CDK8: variants seen among roughly 807,000 people sequenced by gnomAD.
CDK8 encodes the protein cyclin dependent kinase 8, also known as cyclin-dependent kinase 8.
A neutral mutation model predicts 71.5 loss-of-function variants in CDK8; 29 were observed. The observed-to-expected ratio is 0.41, with a 90% confidence interval of 0.30 to 0.55. CDK8 has a LOEUF of 0.55. Ranked by LOEUF, CDK8 falls within the 20% of genes least tolerant of loss-of-function variation. The pLI, the probability that CDK8 is intolerant of heterozygous loss-of-function variation, is 0.37. For synonymous variants in CDK8, 161 were observed against 192.1 expected, an observed-to-expected ratio of 0.84 and a Z score of 1.34; for missense variants, 288 against 572.6, an observed-to-expected ratio of 0.50 and a Z score of 5.07.
chr13:26,385,355 A>G lies in CDK8; in HGVS notation c.646+13A>G. 6.3e-7 allele frequency: 1 copy of G among 1,578,352 alleles called. No homozygotes were observed. Among genetic ancestry groups the G allele is most frequent in the South Asian group, 1.2e-5 (1 of 84,436 alleles). The stretch of plus-strand genomic sequence containing the variant: ...ACCAAAGCTATTGGTGAGTAGAACT[A>G]ATTAAAATTCCATGAGTTTTTAAAA... On this transcript the variant is annotated intron_variant, in intron 6 of 12. Transcript: ENST00000381527.
chr13:26,381,819 C>T (rs1271120278), intron 4 of CDK8, among the ~76,000 whole-genome samples: 2 of 151,802 alleles, frequency 1.3e-5, no homozygotes, highest in Non-Finnish European at 2.9e-5. Context: ...ACACATTAAA[C>T]GTTGGCAGTA....
chr13:26,289,063 T>G (rs1391411808), intron 1 of CDK8, among the ~76,000 whole-genome samples: 2 of 144,660 alleles, frequency 1.4e-5, no homozygotes, highest in East Asian at 4.0e-4. Context: ...TTTTTTTTTT[T>G]TTTTTTTTTT....
chr13:26,293,006 A>G (rs559665), intron 1 of CDK8, among the ~76,000 whole-genome samples: 2 of 152,130 alleles, frequency 1.3e-5, no homozygotes, highest in African/African-American at 4.8e-5. Flanking sequence ...TCAGTTAGAA[A>G]GTATTTGTCC....
rs976983587 is a variant in CDK8, at chr13:26,404,226, C to T, written c.*145C>T. The T allele has an allele frequency of 3.3e-6, 3 of 920,078 alleles. No homozygotes were observed. In the African/African-American group the frequency reaches 5.0e-5, roughly 15 times the overall value. The allele number at this position is 920,078 out of a possible 1,614,324, so 57.0% of individuals were successfully genotyped here. On this transcript the variant is annotated 3_prime_UTR_variant, in exon 13 of 13. Coordinates refer to ENST00000381527, the MANE Select transcript of CDK8 (RefSeq NM_001260.3). ...CCAGTAGCCAAGTTCCACCACTTTT[C>T]ACAGATTGGGGTAGTGGCTTCCAAG...
chr13:26,310,993 C>T (rs143480220), intron 1 of CDK8, among the ~76,000 whole-genome samples: 5 of 151,012 alleles, frequency 3.3e-5, no homozygotes, highest in East Asian at 3.9e-4. Flanking sequence ...TTTTCCTGTT[C>T]GCTATGCTTC....
intron 4 of CDK8, among the ~76,000 whole-genome samples, chr13:26,377,030 T>C (rs1874987614): frequency 6.6e-6 from 1 of 152,278 alleles, no homozygotes; most frequent in African/African-American, 2.4e-5. Flanking sequence ...ATTACTCTTG[T>C]GAAGTTAGTC....
At chr13:26,310,165 A>G (rs951762838) in intron 1 of CDK8, among the ~76,000 whole-genome samples, 2 of 152,208 alleles carry the variant, frequency 1.3e-5, no homozygotes, top group African/African-American at 4.8e-5. Context: ...AACTGAAACT[A>G]TCTACCCAGT....
At chr13:26,293,856 T>C (rs1173762587) in intron 1 of CDK8, among the ~76,000 whole-genome samples, 2 of 152,094 alleles carry the variant, frequency 1.3e-5, no homozygotes, top group Non-Finnish European at 2.9e-5. Context: ...TTCTATAATA[T>C]ATATTTTGAC....
At chr13:26,280,522 G>C (rs1872702528) in intron 1 of CDK8, among the ~76,000 whole-genome samples, 1 of 152,192 alleles carries the variant, frequency 6.6e-6, no homozygotes, top group African/African-American at 2.4e-5. Context: ...TGATACCACA[G>C]TGATATAGTG....
chr13:26,367,159 C>A (rs1874429150), intron 4 of CDK8, among the ~76,000 whole-genome samples: 1 of 152,054 alleles, frequency 6.6e-6, no homozygotes, highest in Admixed American at 6.6e-5. Flanking sequence ...TTTTTTCCCC[C>A]CTTCTGGTTA....
chr13:26,264,949 A>G (rs528814774), intron 1 of CDK8, among the ~76,000 whole-genome samples: 23 of 152,316 alleles, frequency 1.5e-4, no homozygotes, highest in African/African-American at 5.3e-4. Flanking sequence ...TTGTGAATAT[A>G]TGCCACATTT....
chr13:26,325,010 G>T (rs1489125678), intron 1 of CDK8, among the ~76,000 whole-genome samples: 1 of 152,154 alleles, frequency 6.6e-6, no homozygotes, highest in Non-Finnish European at 1.5e-5. Context: ...AATTTCATGA[G>T]ATAATGCAGA....
chr13:26,332,391 A>T (rs967965586), intron 1 of CDK8, among the ~76,000 whole-genome samples: 1 of 152,024 alleles, frequency 6.6e-6, no homozygotes, highest in Non-Finnish European at 1.5e-5. Context: ...AGGCTGAGAC[A>T]GGACAATCAC....
rs9581658 is a variant in CDK8, at chr13:26,386,896, C to T, written c.646+1554C>T. ...AAAAGGATTTCTCATCCTTGTATTTCACAGTGATATGCTGACCACTTGGTG... is the reference window on the plus strand; with the variant it reads ...AAAAGGATTTCTCATCCTTGTATTTTACAGTGATATGCTGACCACTTGGTG... On this transcript the variant is annotated intron_variant, in intron 6 of 12. Coordinates refer to ENST00000381527, the MANE Select transcript of CDK8 (RefSeq NM_001260.3). Among the ~76,000 whole-genome samples, 1,352 of 152,194 alleles carry T rather than the reference C, an allele frequency of 8.9e-3. 20 individuals carry two copies. Among genetic ancestry groups the T allele is most frequent in the African/African-American group, 0.031 (1,296 of 41,472 alleles).
At chr13:26,389,013 G>A (rs1593307237) in intron 6 of CDK8, among the ~76,000 whole-genome samples, 1 of 152,122 alleles carries the variant, frequency 6.6e-6, no homozygotes, top group African/African-American at 2.4e-5. Flanking sequence ...TTTGAACAAC[G>A]GAAGTAACAA....
chr13:26,277,905 G>A (rs1387805300), intron 1 of CDK8, among the ~76,000 whole-genome samples: 1 of 152,156 alleles, frequency 6.6e-6, no homozygotes. Flanking sequence ...ATGGGTACTA[G>A]TTCAAATATT....
chr13:26,335,642 G>A (rs139490660), intron 1 of CDK8, among the ~76,000 whole-genome samples: 8 of 152,118 alleles, frequency 5.3e-5, no homozygotes, highest in Admixed American at 2.6e-4. Context: ...AGTGAATAAT[G>A]CTGTCATTAC....
intron 1 of CDK8, among the ~76,000 whole-genome samples, chr13:26,297,739 C>A (rs1034180591): frequency 6.6e-6 from 1 of 152,156 alleles, no homozygotes; most frequent in Non-Finnish European, 1.5e-5. Context: ...GCTACTTATA[C>A]CTGTTGGTAG....
At chr13:26,316,544 A>G (rs984535358) in intron 1 of CDK8, among the ~76,000 whole-genome samples, 2 of 152,132 alleles carry the variant, frequency 1.3e-5, no homozygotes, top group Admixed American at 6.5e-5. Context: ...AAACAACTGC[A>G]TATATGGGAA....
Sources: allele counts gnomAD v4.1 joint callset (sites outside exome capture counted in the v4.1 genomes callset), GRCh38; gene constraint gnomAD v4.1.1; transcripts MANE v1.5; gene names NCBI Gene and HGNC (gene_info 2026-07-23, HGNC 2026-07-21).